Variants in DNAH11 observed in about 807,000 individuals in gnomAD.
DNAH11 encodes axonemal beta dynein heavy chain 11.
Under a neutral mutation model 526.0 loss-of-function variants are expected in DNAH11, and 442 were observed. The observed-to-expected ratio is 0.84, with a 90% CI of 0.78 to 0.91. The LOEUF is 0.91. DNAH11 is among the 40% of genes least tolerant of loss of function. The probability of loss-of-function intolerance (pLI) is 0.00; values close to 1 mark genes in which losing one functional copy is unlikely to be tolerated. For synonymous variants in DNAH11, 2,461 were observed against 1,935.9 expected, an observed-to-expected ratio of 1.27 and a Z score of -7.12; for missense variants, 6,989 against 5,448.7, an observed-to-expected ratio of 1.28 and a Z score of -8.90.
At chr7:21,805,330 G>A (rs1388037213) in intron 62 of DNAH11, among the ~76,000 whole-genome samples, 1 of 152,100 alleles carries the variant, frequency 6.6e-6, no homozygotes, top group African/African-American at 2.4e-5. Flanking sequence ...AGCTTCGCAA[G>A]AACAGGAAAC....
intron 74 of DNAH11, among the ~76,000 whole-genome samples, chr7:21,875,229 CTT>C (rs1206436715): frequency 1.3e-5 from 2 of 152,112 alleles, no homozygotes; most frequent in Admixed American, 1.3e-4. Context: ...TTAATCATCT[CTT>C]AATTTATAAT....
At chr7:21,739,105 T>C (rs1361508939) in intron 47 of DNAH11, among the ~76,000 whole-genome samples, 2 of 152,198 alleles carry the variant, frequency 1.3e-5, no homozygotes, top group Admixed American at 6.5e-5. Flanking sequence ...GATTGAAAAG[T>C]GTCTCAGAAA....
At chr7:21,590,322 A>G (rs1311377538) in intron 12 of DNAH11, among the ~76,000 whole-genome samples, 2 of 152,172 alleles carry the variant, frequency 1.3e-5, no homozygotes, top group Non-Finnish European at 2.9e-5. Context: ...TTTCTTTTCT[A>G]TTTACCACCA....
intron 5 of DNAH11, 177 bp downstream of exon 5, chr7:21,561,347 A>G (rs771648305): frequency 1.7e-5 from 9 of 542,232 alleles, no homozygotes; most frequent in Non-Finnish European, 2.2e-5. Flanking sequence ...ATACTAAACT[A>G]CTTTTAGTTT....
At chr7:21,816,072 G>A (rs1302905546) in intron 63 of DNAH11, among the ~76,000 whole-genome samples, 1 of 152,106 alleles carries the variant, frequency 6.6e-6, no homozygotes, top group Non-Finnish European at 1.5e-5. Flanking sequence ...AAGTGCCTGA[G>A]CAAGATACTG....
chr7:21,607,240 G>C (rs1179801160), intron 20 of DNAH11, among the ~76,000 whole-genome samples: 1 of 152,168 alleles, frequency 6.6e-6, no homozygotes, highest in Non-Finnish European at 1.5e-5. Flanking sequence ...ACGGGAGAAA[G>C]ATGGAGGCCA....
intron 28 of DNAH11, among the ~76,000 whole-genome samples, chr7:21,645,428 G>A (rs1379012965): frequency 2.6e-5 from 4 of 152,172 alleles, no homozygotes; most frequent in East Asian, 1.9e-4. Context: ...CAGGGGCTAC[G>A]ATAGCAGCAG....
At chr7:21,673,297 C>T (rs758946664) in intron 30 of DNAH11, among the ~76,000 whole-genome samples, 2 of 152,148 alleles carry the variant, frequency 1.3e-5, no homozygotes, top group Non-Finnish European at 2.9e-5. Context: ...ACTGTGTGAT[C>T]TCAGGCAGGT....
intron 66 of DNAH11, among the ~76,000 whole-genome samples, chr7:21,848,038 G>A (rs1183676763): frequency 2.0e-5 from 3 of 151,852 alleles, no homozygotes; most frequent in Non-Finnish European, 2.9e-5. Context: ...GTGGTGGCGG[G>A]TGCCTGTAGT....
chr7:21,650,585 CA>C, intron 28 of DNAH11, among the ~76,000 whole-genome samples: 1 of 148,440 alleles, frequency 6.7e-6, no homozygotes, highest in African/African-American at 2.5e-5. Flanking sequence ...AACCATATTG[CA>C]TGCCTATTTC....
intron 28 of DNAH11, among the ~76,000 whole-genome samples, chr7:21,645,507 T>G (rs1410677971): frequency 6.6e-6 from 1 of 152,082 alleles, no homozygotes; most frequent in Non-Finnish European, 1.5e-5. Flanking sequence ...GAGAAGCTGA[T>G]CAGAGCTTTC....
chr7:21,862,122 CT>C (rs35912578), intron 69 of DNAH11, 99 bp downstream of exon 69: 35,481 of 883,702 alleles, frequency 0.04, 72 homozygotes, highest in South Asian at 0.074. Context: ...ATATAATAGA[CT>C]TTTTTTTTTT....
intron 2 of DNAH11, among the ~76,000 whole-genome samples, chr7:21,556,130 C>A (rs934226959): frequency 2.0e-5 from 3 of 152,150 alleles, no homozygotes; most frequent in Non-Finnish European, 2.9e-5. Context: ...CATTATCCCC[C>A]TTATAAGGTT....
chr7:21,630,745 C>T (rs4719668), intron 25 of DNAH11, among the ~76,000 whole-genome samples: 6 of 151,954 alleles, frequency 3.9e-5, no homozygotes, highest in East Asian at 1.9e-4. Flanking sequence ...TGTTGCTTTA[C>T]GATTCTCTGT....
At chr7:21,611,451 A>G (rs746853584) in intron 20 of DNAH11, among the ~76,000 whole-genome samples, 2 of 152,166 alleles carry the variant, frequency 1.3e-5, no homozygotes, top group Non-Finnish European at 2.9e-5. Context: ...GTGTGAGCCA[A>G]TACCCCTAAT....
intron 2 of DNAH11, among the ~76,000 whole-genome samples, chr7:21,550,144 A>C (rs1049637372): frequency 6.6e-6 from 1 of 150,540 alleles, no homozygotes; most frequent in African/African-American, 2.4e-5. Flanking sequence ...TCTCCCTTCC[A>C]TTTTTTTTTA....
chr7:21,603,692 C>T (rs545022865), intron 18 of DNAH11, among the ~76,000 whole-genome samples: 1 of 152,248 alleles, frequency 6.6e-6, no homozygotes, highest in South Asian at 2.1e-4. Context: ...TAGACAGATA[C>T]ATACATAACA....
chr7:21,817,937 T>C (rs1789874895), intron 64 of DNAH11, among the ~76,000 whole-genome samples: 1 of 152,176 alleles, frequency 6.6e-6, no homozygotes, highest in Admixed American at 6.5e-5. Flanking sequence ...CTTACACTTA[T>C]TTCAACTACA....
In DNAH11 at chr7:21,681,580, T is replaced by C; in HGVS notation, c.5363T>C (p.Leu1788Pro). ...SQLNTLITLL[L>P]GELPPGDRQK... Reference sequence around the variant, plus strand: ...CTGAATACACTGATTACACTTTTGCTGGGAGAACTTCCACCTGGAGACAGA... The same window carrying C: ...CTGAATACACTGATTACACTTTTGCCGGGAGAACTTCCACCTGGAGACAGA... Residue 1788 changes from leucine to proline, a missense_variant, in exon 31 of 82, where the codon CTG becomes CCG. Transcript: ENST00000409508. The C allele has an allele frequency of 6.2e-7, 1 of 1,613,912 alleles. No homozygotes were observed. Among genetic ancestry groups the C allele is most frequent in the African/African-American group, 1.3e-5 (1 of 75,060 alleles).
Sources: gnomAD v4.1 joint callset for allele counts (sites outside exome capture counted in the v4.1 genomes callset) on GRCh38, gnomAD v4.1.1 for gene constraint, MANE v1.5 for transcripts, NCBI Gene and HGNC (gene_info 2026-07-23, HGNC 2026-07-21) for gene names.